Variants in ZSCAN5A observed in about 807,000 individuals in gnomAD.
The protein encoded by ZSCAN5A is zinc finger and SCAN domain containing 5A.
Under a neutral mutation model 23.7 loss-of-function variants are expected in ZSCAN5A, and 12 were observed. That is an observed-to-expected ratio of 0.51 (90% confidence interval 0.32 to 0.82). The LOEUF (loss-of-function observed/expected upper bound fraction) is 0.82. Among genes scored for constraint, ZSCAN5A ranks in the 40% least tolerant of loss-of-function variants. ZSCAN5A has a pLI of 0.03. For synonymous variants in ZSCAN5A, 257 were observed against 239.9 expected, an observed-to-expected ratio of 1.07 and a Z score of -0.66; for missense variants, 597 against 617.9, an observed-to-expected ratio of 0.97 and a Z score of 0.36.
chr19:56,317,592 T>G (rs1043461254), upstream of ZSCAN5A: 1 of 152,196 alleles, frequency 6.6e-6, no homozygotes, highest in Admixed American at 6.5e-5. Flanking sequence ...CAGAATTTGT[T>G]TTTTGGGGAC....
At position 56,221,970 on chromosome 19, in the gene ZSCAN5A, T is replaced by C; in HGVS notation, c.1096A>G (p.Thr366Ala). ...TGGATGACTAGCTTGGAATTACACG[T>C]AAACCTCTTCTCGCACACGTCACAT... is the stretch of plus-strand genomic sequence containing the variant. ...FACDVCEKRFTCNSKLVIHKR... is the reference protein window; with the variant it reads ...FACDVCEKRFACNSKLVIHKR... The change falls in exon 6 of 6, where the codon ACG becomes GCG. Residue 366 changes from threonine to alanine, a missense_variant. Transcript: ENST00000683990. The C allele has an allele frequency of 1.2e-6, 2 of 1,614,224 alleles. No homozygotes were observed. Among genetic ancestry groups the C allele is most frequent in the Non-Finnish European group, 1.7e-6 (2 of 1,180,040 alleles).
chr19:56,280,744 A>G (rs2038630716), intron 2 of ZSCAN5A: 1 of 152,182 alleles, frequency 6.6e-6, no homozygotes, highest in African/African-American at 2.4e-5. Context: ...AGAGACAGAG[A>G]GCTCAGAGCT....
At chr19:56,254,653 G>T (rs191223830) in intron 2 of ZSCAN5A, among the ~76,000 whole-genome samples, 944 of 74,014 alleles carry the variant, frequency 0.013, 9 homozygotes, top group East Asian at 0.026. Flanking sequence ...TTTAATTTTT[G>T]GGGGGGGCTG....
In ZSCAN5A at chr19:56,364,315, A is replaced by G. The variant is rs79323689; in HGVS notation, c.-521-917T>C. Among the ~76,000 whole-genome samples, 66 of 152,362 alleles carry G rather than the reference A, an allele frequency of 4.3e-4. No homozygotes were observed. In the East Asian group the frequency reaches 0.012, roughly 28 times the overall value. On this transcript the variant is annotated intron_variant, in intron 1 of 6. Transcript: ENST00000587340. The stretch of plus-strand genomic sequence containing the variant: ...ATATGAACTTATGTTGTTACTCAAG[A>G]AAGTTGAGAACTAAATAGGTTTTCA...
At chr19:56,236,089 GT>G (rs2034888075) in intron 2 of ZSCAN5A, among the ~76,000 whole-genome samples, 3 of 59,314 alleles carry the variant, frequency 5.1e-5, no homozygotes, top group Admixed American at 1.6e-4. Flanking sequence ...GGTGGGCCAA[GT>G]CTCCACTCCA....
At chr19:56,231,991 C>CTTTTTT (rs1357492276) in intron 2 of ZSCAN5A, among the ~76,000 whole-genome samples, 41 of 34,354 alleles carry the variant, frequency 1.2e-3, no homozygotes, top group African/African-American at 3.4e-3. Context: ...TTCTTTTTTT[C>CTTTTTT]TTTTCTTTTT....
chr19:56,298,883 G>A (rs978152477), intron 2 of ZSCAN5A, among the ~76,000 whole-genome samples: 2 of 152,160 alleles, frequency 1.3e-5, no homozygotes, highest in East Asian at 3.9e-4. Flanking sequence ...TGACAAATAC[G>A]ACAAAGGAAA....
intron 2 of ZSCAN5A, among the ~76,000 whole-genome samples, chr19:56,299,108 A>G (rs1195139523): frequency 6.6e-6 from 1 of 152,160 alleles, no homozygotes; most frequent in African/African-American, 2.4e-5. Flanking sequence ...GATACAGAAA[A>G]AGAATATGGT....
At chr19:56,326,670 C>G (rs966736207) in intron 2 of ZSCAN5A, among the ~76,000 whole-genome samples, 1 of 152,148 alleles carries the variant, frequency 6.6e-6, no homozygotes, top group African/African-American at 2.4e-5. Context: ...ATGACACCCC[C>G]ACCCACACAT....
chr19:56,335,932 T>C (rs1002845008), intron 2 of ZSCAN5A, among the ~76,000 whole-genome samples: 4 of 152,232 alleles, frequency 2.6e-5, no homozygotes, highest in African/African-American at 9.7e-5. Flanking sequence ...TTCTGGCTTG[T>C]AGAGTTTCTG....
intron 2 of ZSCAN5A, among the ~76,000 whole-genome samples, chr19:56,353,877 G>A (rs1396809466): frequency 6.6e-6 from 1 of 152,220 alleles, no homozygotes; most frequent in Non-Finnish European, 1.5e-5. Flanking sequence ...CAGCCCAAAG[G>A]TGGAAGCAGC....
At chr19:56,242,709 G>T (rs946342850) in intron 2 of ZSCAN5A, among the ~76,000 whole-genome samples, 2 of 152,226 alleles carry the variant, frequency 1.3e-5, no homozygotes, top group African/African-American at 4.8e-5. Context: ...GATGCCTGGA[G>T]AGTATCACAC....
chr19:56,264,309 G>C (rs983412945), intron 2 of ZSCAN5A, among the ~76,000 whole-genome samples: 1 of 152,022 alleles, frequency 6.6e-6, no homozygotes, highest in African/African-American at 2.4e-5. Context: ...AAGACTTTTT[G>C]GACACTATCT....
intron 2 of ZSCAN5A, among the ~76,000 whole-genome samples, chr19:56,345,908 A>C (rs2041628703): frequency 6.6e-6 from 1 of 152,228 alleles, no homozygotes. Context: ...CACAATACAA[A>C]AGCAAGCAGT....
chr19:56,354,658 T>C (rs1452173727), intron 2 of ZSCAN5A: 2 of 152,142 alleles, frequency 1.3e-5, no homozygotes, highest in East Asian at 1.9e-4. Context: ...TCGTTCACCA[T>C]GGATAGAAGT....
At chr19:56,247,705 T>A (rs1288574719) in intron 2 of ZSCAN5A, among the ~76,000 whole-genome samples, 1 of 148,480 alleles carries the variant, frequency 6.7e-6, no homozygotes, top group Non-Finnish European at 1.5e-5. Flanking sequence ...TTTATTATTT[T>A]TTTTGAGACG....
rs1313061260 is a variant in ZSCAN5A at position 56,222,654 on chromosome 19, T to C, written c.676A>G (p.Lys226Glu). Residue 226 changes from lysine (K) to glutamate (E), a missense_variant, in exon 5 of 6, where the codon AAG becomes GAG. By Grantham distance (56) the Lys-to-Glu change is moderately conservative. This residue lies in a region of ZSCAN5A where 406 missense variants were observed against 353.2 expected (regional missense o/e 1.15). Transcript: ENST00000683990. Reference protein sequence around the residue: ...RPKQTLEKDLKENREENPGLT... With the variant: ...RPKQTLEKDLEENREENPGLT... ...CCTGGGTTCTCTTCCCTGTTTTCCT[T>C]CAGATCCTTCTCCAAGGTCTGCTTG... 2.5e-6 allele frequency: 4 copies of C among 1,614,092 alleles called. No homozygotes were observed. In the African/African-American group the frequency reaches 5.3e-5, roughly 22 times the overall value.
chr19:56,305,142 A>C (rs1184400532), intron 2 of ZSCAN5A, among the ~76,000 whole-genome samples: 1 of 152,196 alleles, frequency 6.6e-6, no homozygotes, highest in African/African-American at 2.4e-5. Flanking sequence ...AAAATTAACC[A>C]TTAGTGACAT....
chr19:56,245,483 T>C, intron 2 of ZSCAN5A: 3 of 545,128 alleles, frequency 5.5e-6, no homozygotes, highest in Non-Finnish European at 6.7e-6. Context: ...AGGAGAAAAC[T>C]GAGTGTGCCT....
Sources: gnomAD v4.1 joint callset for allele counts (sites outside exome capture counted in the v4.1 genomes callset) on GRCh38, gnomAD v4.1.1 for gene constraint, gnomAD v4.1.1 regional missense constraint, MANE v1.5 for transcripts, NCBI Gene and HGNC (gene_info 2026-07-23, HGNC 2026-07-21) for gene names.